Variants in CASTOR2 observed in about 807,000 individuals in gnomAD.
The protein encoded by CASTOR2 is GATS protein like 2.
CASTOR2 carries 8 observed loss-of-function variants against 31.2 expected under a neutral mutation model. That is an observed-to-expected ratio of 0.26 (90% CI 0.15 to 0.46). CASTOR2 has a LOEUF of 0.46. Ranked by LOEUF, CASTOR2 falls within the 20% of genes least tolerant of loss-of-function variation. CASTOR2 has a pLI of 0.99. For missense variants in CASTOR2, 216 were observed against 382.1 expected (o/e 0.57, Z 3.62); for synonymous variants, 162 against 158.7 (o/e 1.02, Z -0.16).
rs1290887164 is a variant in CASTOR2 at position 74,998,102 on chromosome 7, A to G, written c.114-9892A>G. On this transcript the variant is annotated intron_variant, in intron 1 of 8. Coordinates refer to ENST00000616305, the MANE Select transcript of CASTOR2 (RefSeq NM_001145064.3). The stretch of plus-strand genomic sequence containing the variant: ...CCCCCCTGCCTTCAGAAAGCCCCCA[A>G]CCCATAGAGGCAGTTCAGCCCCGGC... 5.2e-4 allele frequency among the ~76,000 whole-genome samples: 79 copies of G among 152,162 alleles called. 2 individuals carry two copies. The highest frequency in any genetic ancestry group is 1.8e-3 in the African/African-American group (75 of 41,530).
chr7:75,023,226 T>G (rs1805047060), intron 7 of CASTOR2, among the ~76,000 whole-genome samples: 2 of 151,910 alleles, frequency 1.3e-5, no homozygotes, highest in Non-Finnish European at 1.5e-5. Flanking sequence ...GAGAATGGCA[T>G]GAACCTGGGA....
At chr7:75,022,792 C>G (rs1271410960) in intron 7 of CASTOR2, among the ~76,000 whole-genome samples, 3 of 152,024 alleles carry the variant, frequency 2.0e-5, no homozygotes, top group African/African-American at 7.3e-5. Flanking sequence ...GAGCAAGACT[C>G]TGTCTCAAAA....
In CASTOR2 at chr7:75,029,627, A is replaced by G. The variant is rs1805244859; in HGVS notation, c.*4928A>G. ...CCAAAGTGCTGGGATTACAGGCATGAGATACCCCGCCTGGCCAATGGGATT... is the reference window on the plus strand; with the variant it reads ...CCAAAGTGCTGGGATTACAGGCATGGGATACCCCGCCTGGCCAATGGGATT... On this transcript the variant is annotated 3_prime_UTR_variant, in exon 9 of 9. Coordinates refer to ENST00000616305, the MANE Select transcript of CASTOR2 (RefSeq NM_001145064.3). 6.6e-6 allele frequency among the ~76,000 whole-genome samples: 1 copy of G among 152,046 alleles called. No homozygotes were observed. Among genetic ancestry groups the G allele is most frequent in the African/African-American group, 2.4e-5 (1 of 41,398 alleles).
chr7:74,995,846 G>T (rs2131935473), intron 1 of CASTOR2, among the ~76,000 whole-genome samples: 1 of 151,984 alleles, frequency 6.6e-6, no homozygotes, highest in East Asian at 1.9e-4. Context: ...ATGGTGGTGT[G>T]CACCTGTAGT....
At chr7:74,983,102 C>T (rs1246249090) in intron 1 of CASTOR2, among the ~76,000 whole-genome samples, 2 of 64,302 alleles carry the variant, frequency 3.1e-5, no homozygotes, top group African/African-American at 6.5e-5. Context: ...ACTCTTGACT[C>T]CTGGGTTTGA....
chr7:75,008,129 C>T, intron 2 of CASTOR2, 65 bp downstream of exon 2: 1 of 1,494,742 alleles, frequency 6.7e-7, no homozygotes, highest in South Asian at 1.1e-5. Flanking sequence ...GGCTGCCCAC[C>T]TCCTTATTTC....
chr7:74,983,685 A>T (rs1554436471), intron 1 of CASTOR2, among the ~76,000 whole-genome samples: 2 of 151,146 alleles, frequency 1.3e-5, no homozygotes, highest in African/African-American at 4.9e-5. Flanking sequence ...TGTGATTCCC[A>T]TGGCACCATG....
At chr7:74,983,630 A>G (rs782369638) in intron 1 of CASTOR2, among the ~76,000 whole-genome samples, 99 of 151,562 alleles carry the variant, frequency 6.5e-4, no homozygotes, top group Non-Finnish European at 1.1e-3. Context: ...CCCCTCTGCA[A>G]GCTTGGTTCT....
At chr7:75,023,464 CTTTTTG>C (rs1805054831) in intron 7 of CASTOR2, among the ~76,000 whole-genome samples, 1 of 139,052 alleles carries the variant, frequency 7.2e-6, no homozygotes, top group African/African-American at 2.6e-5. Flanking sequence ...TTTTTTTTTT[CTTTTTG>C]TTTTTTGTTT....
At position 74,996,348 on chromosome 7, in the gene CASTOR2, A is replaced by C. The variant is rs1204731639; in HGVS notation, c.114-11646A>C. Among the ~76,000 whole-genome samples the C allele has an allele frequency of 1.5e-3, 224 of 152,156 alleles. 2 individuals are homozygous for C. Among genetic ancestry groups the C allele is most frequent in the Non-Finnish European group, 1.8e-3 (125 of 68,000 alleles). On this transcript the variant is annotated intron_variant, in intron 1 of 8. Transcript: ENST00000616305. Reference sequence around the variant, plus strand: ...GACCGGGAACCAGGGCCACTCCGAGAGTTACCATGTGACAGGACAACAACT... The same window carrying C: ...GACCGGGAACCAGGGCCACTCCGAGCGTTACCATGTGACAGGACAACAACT...
chr7:75,006,625 T>G (rs1231327339), intron 1 of CASTOR2, among the ~76,000 whole-genome samples: 1 of 152,156 alleles, frequency 6.6e-6, no homozygotes, highest in Non-Finnish European at 1.5e-5. Flanking sequence ...AAATCTCACC[T>G]TGAATTGTAA....
At chr7:74,998,236 A>G (rs1563058916) in intron 1 of CASTOR2, among the ~76,000 whole-genome samples, 1 of 152,198 alleles carries the variant, frequency 6.6e-6, no homozygotes, top group Non-Finnish European at 1.5e-5. Flanking sequence ...CACTGATTAC[A>G]GACCTCGTAC....
intron 1 of CASTOR2, among the ~76,000 whole-genome samples, chr7:74,997,529 G>A (rs1449903210): frequency 2.0e-5 from 3 of 151,596 alleles, no homozygotes; most frequent in African/African-American, 7.3e-5. Flanking sequence ...AGGTTCAAGC[G>A]ATTCTTGTGC....
At chr7:75,023,686 C>T (rs1485193763) in intron 7 of CASTOR2, among the ~76,000 whole-genome samples, 1 of 151,842 alleles carries the variant, frequency 6.6e-6, no homozygotes, top group East Asian at 2.0e-4. Context: ...GTGATCCACC[C>T]GCCTCGGCCT....
chr7:75,014,474 C>T (rs1448803389), intron 2 of CASTOR2, among the ~76,000 whole-genome samples: 34 of 150,748 alleles, frequency 2.3e-4, no homozygotes, highest in Non-Finnish European at 1.8e-4. Flanking sequence ...CACCTGTAGT[C>T]CCAGCTACTC....
chr7:74,991,893 G>A (rs1288759258), intron 1 of CASTOR2, among the ~76,000 whole-genome samples: 1 of 152,092 alleles, frequency 6.6e-6, no homozygotes, highest in Non-Finnish European at 1.5e-5. Context: ...AGCCATGGGA[G>A]GTGCTTGACC....
intron 1 of CASTOR2, among the ~76,000 whole-genome samples, chr7:75,004,813 C>A (rs1193067027): frequency 6.6e-6 from 1 of 151,842 alleles, no homozygotes; most frequent in African/African-American, 2.4e-5. Context: ...ACAAATTCAC[C>A]CCTTTTTAGC....
intron 1 of CASTOR2, among the ~76,000 whole-genome samples, chr7:74,973,333 CTTTTTTT>C (rs1200356756): frequency 1.0e-4 from 8 of 80,338 alleles, no homozygotes; most frequent in Admixed American, 1.5e-4. Flanking sequence ...CTCCAGTAAG[CTTTTTTT>C]TTTTTTTTTT....
In CASTOR2 at chr7:74,995,994, C is replaced by T. The variant is rs1203834531; in HGVS notation, c.114-12000C>T. ...CCTTATCTCAAAAAAAAAAGATGGG[C>T]GAATGATCAGAGACTTTCTGAGAGG... On this transcript the variant is annotated intron_variant, in intron 1 of 8. Coordinates refer to ENST00000616305, the MANE Select transcript of CASTOR2 (RefSeq NM_001145064.3). 5.1e-4 allele frequency among the ~76,000 whole-genome samples: 78 copies of T among 151,634 alleles called. 1 individual carries two copies. Among genetic ancestry groups the T allele is most frequent in the Admixed American group, 9.2e-4 (14 of 15,170 alleles).
Sources: gnomAD v4.1 joint callset for allele counts (sites outside exome capture counted in the v4.1 genomes callset) on GRCh38, gnomAD v4.1.1 for gene constraint, MANE v1.5 for transcripts, NCBI Gene and HGNC (gene_info 2026-07-23, HGNC 2026-07-21) for gene names.